Variants in PIP5K1B observed in about 807,000 individuals in gnomAD.
PIP5K1B encodes the protein phosphatidylinositol 4-phosphate 5-kinase type-1 beta.
Under a neutral mutation model 67.0 loss-of-function variants are expected in PIP5K1B, and 42 were observed. That is an observed-to-expected ratio of 0.63 (90% confidence interval 0.49 to 0.81). PIP5K1B has a LOEUF of 0.81. Ranked by LOEUF, PIP5K1B falls within the 30% of genes least tolerant of loss-of-function variation. The probability of loss-of-function intolerance (pLI) is 0.00; values close to 1 mark genes in which losing one functional copy is unlikely to be tolerated. For synonymous variants in PIP5K1B, 214 were observed against 231.4 expected (o/e 0.92, Z 0.68); for missense variants, 459 against 646.3 (o/e 0.71, Z 3.14).
At chr9:68,748,613 C>CTTTTTTTTTTTTTTTT (rs58954806) in intron 2 of PIP5K1B, among the ~76,000 whole-genome samples, 1 of 98,300 alleles carries the variant, frequency 1.0e-5, no homozygotes, top group Non-Finnish European at 2.0e-5. Context: ...GATTTCTTTT[C>CTTTTTTTTTTTTTTTT]TTTTTTTTTT....
chr9:68,837,740 A>T (rs923363657), intron 4 of PIP5K1B, among the ~76,000 whole-genome samples: 1 of 151,466 alleles, frequency 6.6e-6, no homozygotes, highest in African/African-American at 2.4e-5. Flanking sequence ...ATAATTTGTA[A>T]TGCAAGACTT....
chr9:68,851,029 T>C lies in PIP5K1B; in HGVS notation c.70-12808T>C, dbSNP rs1438493486. On this transcript the variant is annotated intron_variant, in intron 4 of 15. Transcript: ENST00000265382. ...TGTCTCTTTTTAGGGCAATTAAGTGTCCATAATTTGATGCTGCTGTATTAT... is the reference window on the plus strand; with the variant it reads ...TGTCTCTTTTTAGGGCAATTAAGTGCCCATAATTTGATGCTGCTGTATTAT... 2.0e-5 allele frequency among the ~76,000 whole-genome samples: 3 copies of C among 152,214 alleles called. No homozygotes were observed. The South Asian group carries it at 6.2e-4, about 31-fold the overall frequency.
chr9:68,991,773 C>A (rs1830374769), intron 15 of PIP5K1B, among the ~76,000 whole-genome samples: 1 of 152,168 alleles, frequency 6.6e-6, no homozygotes, highest in African/African-American at 2.4e-5. Flanking sequence ...TAATGCCCAC[C>A]CTGCCTACCT....
chr9:68,759,988 G>C (rs778559651), intron 2 of PIP5K1B, among the ~76,000 whole-genome samples: 1 of 152,054 alleles, frequency 6.6e-6, no homozygotes, highest in African/African-American at 2.4e-5. Context: ...CAGCAAACAG[G>C]GTTGGTCAGA....
chr9:68,854,667 G>T (rs1822680240), intron 4 of PIP5K1B, among the ~76,000 whole-genome samples: 1 of 152,180 alleles, frequency 6.6e-6, no homozygotes, highest in South Asian at 2.1e-4. Flanking sequence ...CCTTTGTCAT[G>T]CCTCAAAATG....
At chr9:68,893,333 C>CTTTTTTTTTTTTTTTTTTTTTTT (rs397792694) in intron 7 of PIP5K1B, among the ~76,000 whole-genome samples, 1 of 110,954 alleles carries the variant, frequency 9.0e-6, no homozygotes, top group Non-Finnish European at 1.7e-5. Context: ...TATTTTTTTT[C>CTTTTTTTTTTTTTTTTTTTTTTT]TTTTTTTTTT....
intron 8 of PIP5K1B, among the ~76,000 whole-genome samples, chr9:68,912,566 C>T (rs1377551113): frequency 6.6e-6 from 1 of 152,150 alleles, no homozygotes; most frequent in African/African-American, 2.4e-5. Flanking sequence ...CGGATTAACT[C>T]AGTTAATCTT....
chr9:68,936,177 C>CT (rs149899851), intron 13 of PIP5K1B, among the ~76,000 whole-genome samples: 3,744 of 151,998 alleles, frequency 0.025, 118 homozygotes, highest in African/African-American at 0.076. Context: ...CCCTTTTTGT[C>CT]TTTTTTTCTT....
chr9:68,706,570 G>C (rs1034700927), intron 1 of PIP5K1B, among the ~76,000 whole-genome samples: 2 of 152,162 alleles, frequency 1.3e-5, no homozygotes, highest in African/African-American at 4.8e-5. Flanking sequence ...CGAATCTACT[G>C]AAATCAGGGC....
chr9:68,717,365 T>A (rs754023567), intron 1 of PIP5K1B, among the ~76,000 whole-genome samples: 2 of 152,224 alleles, frequency 1.3e-5, no homozygotes, highest in Non-Finnish European at 2.9e-5. Flanking sequence ...TCTTTGCACA[T>A]AGCTTTTCCA....
chr9:68,788,144 T>C (rs1564136102), intron 2 of PIP5K1B, among the ~76,000 whole-genome samples: 1 of 152,212 alleles, frequency 6.6e-6, no homozygotes, highest in Admixed American at 6.5e-5. Flanking sequence ...TTCTCCCTGG[T>C]GACCCTTTCC....
In PIP5K1B at chr9:68,991,246, G is replaced by C; in HGVS notation, c.1609G>C (p.Asp537His). The C allele has an allele frequency of 6.3e-7, 1 of 1,588,774 alleles. No individual in the cohort carries two copies. Among genetic ancestry groups the C allele is most frequent in the Non-Finnish European group, 8.6e-7 (1 of 1,156,894 alleles). ...GCAGGATGACAATGCTTCTGTGCTT[G>C]ACGTCTATTTAGTAAGTAATTTTTT... ...EVQDDNASVL[D>H]VYL The change falls in exon 15 of 16, where the codon GAC becomes CAC. Residue 537 changes from aspartate (D) to histidine (H), a missense_variant. This residue lies in a region of PIP5K1B where 169 missense variants were observed against 171.9 expected (regional missense o/e 0.98). Transcript: ENST00000265382.
intron 5 of PIP5K1B, 122 bp downstream of exon 5, chr9:68,864,089 TGGCAGGGCCAAA>T: frequency 1.2e-6 from 1 of 857,500 alleles, no homozygotes; most frequent in Non-Finnish European, 1.8e-6. Flanking sequence ...ATTGGGCCTT[TGGCAGGGCCAAA>T]GGCAGTCCAA....
chr9:68,734,366 C>T (rs1214387051), intron 1 of PIP5K1B, among the ~76,000 whole-genome samples: 1 of 152,096 alleles, frequency 6.6e-6, no homozygotes, highest in Non-Finnish European at 1.5e-5. Context: ...AAGATCACTC[C>T]TATGTAGGAG....
chr9:68,804,991 T>A (rs2131998522), intron 2 of PIP5K1B, among the ~76,000 whole-genome samples: 1 of 152,334 alleles, frequency 6.6e-6, no homozygotes, highest in African/African-American at 2.4e-5. Context: ...GCCTAACTGG[T>A]CCAGAATGCA....
intron 2 of PIP5K1B, among the ~76,000 whole-genome samples, chr9:68,754,349 T>A (rs1183219500): frequency 6.6e-6 from 1 of 151,764 alleles, no homozygotes. Flanking sequence ...TTTTGTATTT[T>A]TAGTAGAGAC....
intron 14 of PIP5K1B, among the ~76,000 whole-genome samples, chr9:68,947,781 GTC>G (rs2132670466): frequency 6.6e-6 from 1 of 152,318 alleles, no homozygotes; most frequent in East Asian, 1.9e-4. Context: ...TTACCAATAA[GTC>G]TGTCTGACAA....
intron 2 of PIP5K1B, chr9:68,780,087 C>CAAAAAA: frequency 2.8e-6 from 4 of 1,411,320 alleles, no homozygotes; most frequent in Admixed American, 3.0e-5. Context: ...GCGGCGGCAG[C>CAAAAAA]GGCGGCGGCC....
At chr9:68,842,408 T>G (rs1265510121) in intron 4 of PIP5K1B, among the ~76,000 whole-genome samples, 1 of 152,208 alleles carries the variant, frequency 6.6e-6, no homozygotes, top group Non-Finnish European at 1.5e-5. Context: ...TTCAAGTGTT[T>G]TGCACTTGGC....
Sources: gnomAD v4.1 joint callset for allele counts (sites outside exome capture counted in the v4.1 genomes callset) on GRCh38, gnomAD v4.1.1 for gene constraint, gnomAD v4.1.1 regional missense constraint, MANE v1.5 for transcripts, NCBI Gene and HGNC (gene_info 2026-07-23, HGNC 2026-07-21) for gene names.